SNTG1: variants seen among roughly 807,000 people sequenced by gnomAD.
The protein encoded by SNTG1 is gamma-1-syntrophin.
Under a neutral mutation model 74.7 loss-of-function variants are expected in SNTG1, and 39 were observed. That is an observed-to-expected ratio of 0.52 (90% CI 0.40 to 0.68). The LOEUF (loss-of-function observed/expected upper bound fraction) is 0.68, where lower values mean the gene tolerates loss of function less well. SNTG1 is among the 30% of genes least tolerant of loss of function. The pLI, the probability that SNTG1 is intolerant of heterozygous loss-of-function variation, is 0.00. For synonymous variants in SNTG1, 254 were observed against 217.1 expected, an observed-to-expected ratio of 1.17 and a Z score of -1.49; for missense variants, 685 against 609.5, an observed-to-expected ratio of 1.12 and a Z score of -1.30.
chr8:50,422,333 G>GAC (rs1161710293), intron 4 of SNTG1, among the ~76,000 whole-genome samples: 11 of 23,746 alleles, frequency 4.6e-4, no homozygotes, highest in African/African-American at 4.9e-4. Flanking sequence ...TAGACAAAAA[G>GAC]ATATATAGAA....
intron 1 of SNTG1, among the ~76,000 whole-genome samples, chr8:50,045,041 T>C (rs1818960867): frequency 6.6e-6 from 1 of 152,166 alleles, no homozygotes; most frequent in Non-Finnish European, 1.5e-5. Context: ...ATGTAGAGCC[T>C]TTTCCTATGG....
At chr8:50,647,684 C>T (rs1563690210) in intron 13 of SNTG1, among the ~76,000 whole-genome samples, 1 of 152,008 alleles carries the variant, frequency 6.6e-6, no homozygotes, top group Non-Finnish European at 1.5e-5. Context: ...TAAATTATTG[C>T]TGTGTAATAC....
intron 17 of SNTG1, among the ~76,000 whole-genome samples, chr8:50,734,228 A>T (rs933131486): frequency 2.6e-5 from 4 of 151,770 alleles, no homozygotes; most frequent in African/African-American, 7.2e-5. Context: ...AGTAAGAAAC[A>T]AACTATAGAC....
chr8:50,426,757 C>G (rs893578035), intron 4 of SNTG1, among the ~76,000 whole-genome samples: 2 of 152,000 alleles, frequency 1.3e-5, no homozygotes, highest in Non-Finnish European at 2.9e-5. Context: ...CACTTACTCA[C>G]TGCCTCACCT....
At chr8:49,941,303 T>A (rs1211149800) in intron 1 of SNTG1, among the ~76,000 whole-genome samples, 1 of 152,030 alleles carries the variant, frequency 6.6e-6, no homozygotes, top group Non-Finnish European at 1.5e-5. Flanking sequence ...AGAGCCACCC[T>A]CTTCCCAGAA....
chr8:50,584,010 A>G (rs1044445303), intron 12 of SNTG1, among the ~76,000 whole-genome samples: 1 of 152,012 alleles, frequency 6.6e-6, no homozygotes, highest in African/African-American at 2.4e-5. Flanking sequence ...CCTATGAGTG[A>G]GAACATGCGG....
chr8:50,296,245 C>T (rs2089364987), intron 2 of SNTG1, among the ~76,000 whole-genome samples: 1 of 152,120 alleles, frequency 6.6e-6, no homozygotes, highest in Non-Finnish European at 1.5e-5. Context: ...CTATTTGACC[C>T]AGCAATCCCA....
At chr8:50,362,353 A>G (rs959254977) in intron 2 of SNTG1, among the ~76,000 whole-genome samples, 1 of 152,210 alleles carries the variant, frequency 6.6e-6, no homozygotes, top group Non-Finnish European at 1.5e-5. Context: ...ATTATGTTCA[A>G]TAAACTAACG....
At chr8:50,698,826 G>T (rs1302886578) in intron 15 of SNTG1, among the ~76,000 whole-genome samples, 1 of 152,030 alleles carries the variant, frequency 6.6e-6, no homozygotes, top group East Asian at 1.9e-4. Context: ...GCTCTACCGT[G>T]GCCTGAATTA....
At chr8:50,459,542 T>C (rs2093540661) in intron 8 of SNTG1, among the ~76,000 whole-genome samples, 1 of 152,164 alleles carries the variant, frequency 6.6e-6, no homozygotes, top group Admixed American at 6.6e-5. Flanking sequence ...ACTTTTATTT[T>C]AGATTGTGGA....
At chr8:50,777,853 T>TC (rs1186052074) in intron 18 of SNTG1, among the ~76,000 whole-genome samples, 2 of 151,932 alleles carry the variant, frequency 1.3e-5, no homozygotes, top group African/African-American at 4.8e-5. Context: ...CCCTCCCCTG[T>TC]CCCCCCACCC....
At chr8:49,978,261 G>C (rs1812369176) in intron 1 of SNTG1, among the ~76,000 whole-genome samples, 1 of 152,006 alleles carries the variant, frequency 6.6e-6, no homozygotes, top group Admixed American at 6.6e-5. Context: ...GAGAGAGAGA[G>C]AGACAGAAGG....
At chr8:50,502,951 A>T in intron 9 of SNTG1, 71 bp downstream of exon 9, 1 of 1,286,404 alleles carries the variant, frequency 7.8e-7, no homozygotes, top group Admixed American at 2.1e-5. Context: ...TTTGACAATA[A>T]TTGGTGATTT....
chr8:50,095,922 T>G (rs1052432888), intron 1 of SNTG1, among the ~76,000 whole-genome samples: 2 of 152,006 alleles, frequency 1.3e-5, no homozygotes, highest in Non-Finnish European at 2.9e-5. Flanking sequence ...TGAAATTATT[T>G]TGAAATGTGA....
intron 2 of SNTG1, among the ~76,000 whole-genome samples, chr8:50,370,589 C>T (rs928894006): frequency 6.6e-6 from 1 of 152,090 alleles, no homozygotes; most frequent in African/African-American, 2.4e-5. Flanking sequence ...GCCCTTTCAC[C>T]CCTGTCTGAA....
chr8:49,918,065 C>A (rs753368806), intron 1 of SNTG1, among the ~76,000 whole-genome samples: 1 of 152,114 alleles, frequency 6.6e-6, no homozygotes, highest in African/African-American at 2.4e-5. Flanking sequence ...TTAATAGAAA[C>A]CCTAAACTGA....
At chr8:49,977,602 G>A (rs967717452) in intron 1 of SNTG1, among the ~76,000 whole-genome samples, 2 of 152,204 alleles carry the variant, frequency 1.3e-5, no homozygotes, top group Non-Finnish European at 2.9e-5. Context: ...GGCTAGGCAT[G>A]TGGCCTGGGC....
chr8:50,651,974 C>T (rs1427298715), intron 13 of SNTG1, among the ~76,000 whole-genome samples: 3 of 148,182 alleles, frequency 2.0e-5, no homozygotes, highest in Non-Finnish European at 3.0e-5. Flanking sequence ...GGTCTCGAAC[C>T]CCCGACCTCA....
chr8:50,172,713 G>C (rs1426699727), intron 2 of SNTG1, 78 bp downstream of exon 2: 1 of 150,306 alleles, frequency 6.7e-6, no homozygotes, highest in Non-Finnish European at 1.5e-5. Flanking sequence ...ACACTTCTAA[G>C]AGACAATTGT....
Sources: gnomAD v4.1 joint callset for allele counts (sites outside exome capture counted in the v4.1 genomes callset) on GRCh38, gnomAD v4.1.1 for gene constraint, MANE v1.5 for transcripts, NCBI Gene and HGNC (gene_info 2026-07-23, HGNC 2026-07-21) for gene names.